Variants in DAB1 observed in about 807,000 individuals in gnomAD.
DAB1 encodes the protein DAB adaptor protein 1.
In DAB1, 15 loss-of-function variants were observed where a neutral mutation model predicts 64.6. The observed-to-expected ratio is 0.23, with a 90% CI of 0.16 to 0.36. The LOEUF is 0.36. Among genes scored for constraint, DAB1 ranks in the 10% least tolerant of loss-of-function variants. The pLI, the probability that DAB1 is intolerant of heterozygous loss-of-function variation, is 1.00. For missense variants in DAB1, 596 were observed against 706.7 expected (o/e 0.84, Z 1.78); for synonymous variants, 235 against 251.9 (o/e 0.93, Z 0.64).
In DAB1 at chr1:57,195,954, G is replaced by T. The variant is rs1202505919; in HGVS notation, c.68-50525C>A. Among the ~76,000 whole-genome samples, 3 of 152,146 alleles carry T rather than the reference G, an allele frequency of 2.0e-5. No individual in the cohort carries two copies. The East Asian group carries it at 5.8e-4, about 29-fold the overall frequency. On this transcript the variant is annotated intron_variant, in intron 2 of 14. Transcript: ENST00000371236. ...ATAAGCCAGAGAAAAAATAGTACATGTATGAATTTATAGATAAATTGTGGA... is the reference window on the plus strand; with the variant it reads ...ATAAGCCAGAGAAAAAATAGTACATTTATGAATTTATAGATAAATTGTGGA...
chr1:57,636,227 C>T (rs1034990466), intron 7 of DAB1, among the ~76,000 whole-genome samples: 4 of 151,916 alleles, frequency 2.6e-5, no homozygotes, highest in African/African-American at 7.3e-5. Flanking sequence ...AGTGAGAAGG[C>T]GGCTCCCTAC....
At chr1:58,152,682 T>G (rs976933025) in intron 4 of DAB1, among the ~76,000 whole-genome samples, 2 of 152,220 alleles carry the variant, frequency 1.3e-5, no homozygotes, top group Admixed American at 6.5e-5. Flanking sequence ...TAGTGCCAGT[T>G]TTCTTATCCT....
At chr1:57,073,428 G>A (rs1215103898) in intron 4 of DAB1, among the ~76,000 whole-genome samples, 1 of 152,114 alleles carries the variant, frequency 6.6e-6, no homozygotes, top group Non-Finnish European at 1.5e-5. Flanking sequence ...CATTATCTGA[G>A]CTTCAACAAA....
chr1:57,088,541 T>A (rs1251508068), intron 4 of DAB1, among the ~76,000 whole-genome samples: 2 of 152,332 alleles, frequency 1.3e-5, no homozygotes, highest in Middle Eastern at 3.4e-3. Context: ...GGTAGGAGCC[T>A]AAGTTTGATA....
At chr1:57,616,742 A>G (rs1165355383) in intron 7 of DAB1, among the ~76,000 whole-genome samples, 2 of 152,152 alleles carry the variant, frequency 1.3e-5, no homozygotes, top group Non-Finnish European at 2.9e-5. Context: ...ATGGGTCTAC[A>G]GGGTATTTTG....
chr1:57,984,248 G>C (rs1363824563), intron 5 of DAB1, among the ~76,000 whole-genome samples: 1 of 138,984 alleles, frequency 7.2e-6, no homozygotes, highest in East Asian at 2.1e-4. Context: ...AAGAAAGAAA[G>C]AAAGAAAGAA....
intron 5 of DAB1, chr1:58,049,016 T>C (rs978439470): frequency 1.3e-6 from 1 of 798,480 alleles, no homozygotes; most frequent in Non-Finnish European, 2.2e-6. Context: ...TTGGGAATCT[T>C]CTCTTGAGAC....
At chr1:58,021,261 A>C (rs879747045) in intron 5 of DAB1, among the ~76,000 whole-genome samples, 5 of 152,220 alleles carry the variant, frequency 3.3e-5, no homozygotes, top group Non-Finnish European at 5.9e-5. Flanking sequence ...CTGGGCATAA[A>C]AGCTGAGCAT....
At chr1:57,581,504 G>A (rs1285018918) in intron 7 of DAB1, among the ~76,000 whole-genome samples, 2 of 151,996 alleles carry the variant, frequency 1.3e-5, no homozygotes, top group African/African-American at 4.8e-5. Flanking sequence ...CTTGCGAGCT[G>A]AGTGACCGGA....
At chr1:57,982,915 G>A (rs1431682749) in intron 5 of DAB1, among the ~76,000 whole-genome samples, 2 of 152,134 alleles carry the variant, frequency 1.3e-5, no homozygotes, top group African/African-American at 2.4e-5. Flanking sequence ...TTCATGCTGG[G>A]CTTGAGGTAG....
At chr1:58,267,654 C>A (rs584517) in intron 4 of DAB1, among the ~76,000 whole-genome samples, 1 of 151,966 alleles carries the variant, frequency 6.6e-6, no homozygotes, top group Admixed American at 6.6e-5. Flanking sequence ...GATGGTTCCC[C>A]AGAGAAATGA....
intron 8 of DAB1, among the ~76,000 whole-genome samples, chr1:57,068,551 A>G (rs1651146428): frequency 6.6e-6 from 1 of 152,246 alleles, no homozygotes; most frequent in Non-Finnish European, 1.5e-5. Context: ...CACTTATTAA[A>G]TACATCAAAT....
intron 6 of DAB1, among the ~76,000 whole-genome samples, chr1:57,725,896 C>A (rs1647203731): frequency 6.6e-6 from 1 of 152,016 alleles, no homozygotes; most frequent in African/African-American, 2.4e-5. Context: ...GGACTACAGG[C>A]ACATACCTCC....
At chr1:57,072,468 G>A in intron 4 of DAB1, 54 bp from the exon 5 acceptor site, 1 of 1,590,610 alleles carries the variant, frequency 6.3e-7, no homozygotes. Flanking sequence ...CCTTCGAGCT[G>A]TTGATCAATA....
At chr1:57,903,083 G>A (rs945237521) in intron 5 of DAB1, among the ~76,000 whole-genome samples, 23 of 152,150 alleles carry the variant, frequency 1.5e-4, no homozygotes, top group Non-Finnish European at 2.4e-4. Context: ...ATCAGATCTC[G>A]TGAGACTTAT....
At chr1:57,375,647 C>T (rs1245130317) in intron 1 of DAB1, among the ~76,000 whole-genome samples, 1 of 152,176 alleles carries the variant, frequency 6.6e-6, no homozygotes, top group Non-Finnish European at 1.5e-5. Context: ...AACCACTTGA[C>T]CCCACTCTCT....
chr1:58,505,136 G>A (rs1440053570), intron 3 of DAB1, among the ~76,000 whole-genome samples: 1 of 152,086 alleles, frequency 6.6e-6, no homozygotes, highest in Non-Finnish European at 1.5e-5. Context: ...ATTTTCAGTA[G>A]AGACAGGGTT....
chr1:57,847,430 G>C (rs76320543), intron 1 of DAB1, among the ~76,000 whole-genome samples: 2 of 152,078 alleles, frequency 1.3e-5, no homozygotes, highest in Non-Finnish European at 1.5e-5. Context: ...AATATAAATG[G>C]TTTAAGTTCT....
chr1:57,369,359 A>T (rs1253681092), intron 1 of DAB1, among the ~76,000 whole-genome samples: 1 of 152,232 alleles, frequency 6.6e-6, no homozygotes. Context: ...CATTCAAGGG[A>T]TTATCTAAAA....
Sources: gnomAD v4.1 joint callset for allele counts (sites outside exome capture counted in the v4.1 genomes callset) on GRCh38, gnomAD v4.1.1 for gene constraint, MANE v1.5 for transcripts, NCBI Gene and HGNC (gene_info 2026-07-23, HGNC 2026-07-21) for gene names.